DEUP1: variants seen among roughly 807,000 people sequenced by gnomAD.
The protein encoded by DEUP1 is deuterosome assembly protein 1, also known as coiled-coil domain containing 67.
Under a neutral mutation model 87.4 loss-of-function variants are expected in DEUP1, and 82 were observed. The observed-to-expected ratio is 0.94, with a 90% CI of 0.78 to 1.13. The LOEUF (loss-of-function observed/expected upper bound fraction) is 1.13, where lower values mean the gene tolerates loss of function less well. Among genes scored for constraint, DEUP1 ranks in the 50% most tolerant of loss-of-function variants. DEUP1 has a pLI of 0.00. For synonymous variants in DEUP1, 214 were observed against 222.7 expected, an observed-to-expected ratio of 0.96 and a Z score of 0.35; for missense variants, 663 against 681.5, an observed-to-expected ratio of 0.97 and a Z score of 0.30.
At chr11:93,338,707 G>A (rs1324395365) in intron 2 of DEUP1, among the ~76,000 whole-genome samples, 2 of 152,136 alleles carry the variant, frequency 1.3e-5, no homozygotes, top group Non-Finnish European at 2.9e-5. Flanking sequence ...TCCCAGCTCA[G>A]TCAACATTTG....
In DEUP1 at chr11:93,370,295, C is replaced by T. The variant is rs908909881; in HGVS notation, c.546+109C>T. On this transcript the variant is annotated intron_variant, in intron 6 of 13. Coordinates refer to ENST00000298050, the MANE Select transcript of DEUP1 (RefSeq NM_181645.4). ...AACAGACATGCCAACTAAGAAAAAA[C>T]GAGAGTAGGTCCAAAGGTGGGTACA... The T allele has an allele frequency of 8.5e-5, 39 of 458,016 alleles. No homozygotes were observed. In the East Asian group the frequency reaches 1.2e-3, roughly 15 times the overall value. 28.4% of individuals were successfully genotyped at this position (458,016 alleles called of 1,614,324 possible).
At chr11:93,346,087 T>C (rs559481599) in intron 2 of DEUP1, among the ~76,000 whole-genome samples, 4 of 152,344 alleles carry the variant, frequency 2.6e-5, no homozygotes, top group African/African-American at 9.6e-5. Context: ...TAGCCAGTTC[T>C]CCCAGCACCA....
intron 13 of DEUP1, among the ~76,000 whole-genome samples, chr11:93,431,064 C>A (rs1948087553): frequency 6.8e-6 from 1 of 146,154 alleles, no homozygotes; most frequent in Non-Finnish European, 1.5e-5. Flanking sequence ...TCACTGCACT[C>A]CAGCCTGGGC....
intron 8 of DEUP1, among the ~76,000 whole-genome samples, chr11:93,387,038 C>CT (rs1033373121): frequency 2.0e-5 from 3 of 152,092 alleles, no homozygotes; most frequent in African/African-American, 7.2e-5. Context: ...CCAGTAAAAA[C>CT]TTTTTTGTTC....
chr11:93,418,818 G>A (rs1215644510), intron 13 of DEUP1, among the ~76,000 whole-genome samples: 4 of 152,104 alleles, frequency 2.6e-5, no homozygotes, highest in African/African-American at 9.7e-5. Context: ...TTAAGAAAAT[G>A]TGGCACATAT....
intron 4 of DEUP1, among the ~76,000 whole-genome samples, chr11:93,360,019 A>C (rs1386561048): frequency 6.6e-6 from 1 of 150,600 alleles, no homozygotes; most frequent in African/African-American, 2.4e-5. Context: ...CTCCCTGTCT[A>C]CTCTCGGGTG....
intron 2 of DEUP1, among the ~76,000 whole-genome samples, chr11:93,350,955 C>CA (rs1397652474): frequency 1.4e-5 from 2 of 147,294 alleles, no homozygotes; most frequent in Non-Finnish European, 1.5e-5. Flanking sequence ...GACTCCATCT[C>CA]AAAAAAAATT....
intron 5 of DEUP1, 117 bp downstream of exon 5, chr11:93,364,411 C>A: frequency 7.2e-6 from 6 of 834,848 alleles, no homozygotes; most frequent in Middle Eastern, 2.5e-4. Flanking sequence ...AACACTATTA[C>A]AAACTAACTT....
At chr11:93,377,549 T>G (rs1946096607) in intron 7 of DEUP1, among the ~76,000 whole-genome samples, 2 of 152,166 alleles carry the variant, frequency 1.3e-5, no homozygotes, top group Admixed American at 1.3e-4. Context: ...GGTACTTGGT[T>G]GGTGAATTCT....
At chr11:93,423,914 C>G (rs1201980710) in intron 13 of DEUP1, among the ~76,000 whole-genome samples, 3 of 3,412 alleles carry the variant, frequency 8.8e-4, no homozygotes, top group African/African-American at 1.9e-3. Context: ...GACACCCTAA[C>G]ATCACAATTA....
chr11:93,372,174 C>T (rs78912676), intron 7 of DEUP1, among the ~76,000 whole-genome samples: 4 of 151,974 alleles, frequency 2.6e-5, no homozygotes, highest in South Asian at 2.1e-4. Flanking sequence ...GTGATCCGCC[C>T]GCCTCGGCCT....
rs575461197 is a variant in DEUP1 at position 93,393,054 on chromosome 11, C to T, written c.1042-1405C>T. On this transcript the variant is annotated intron_variant, in intron 9 of 13. Coordinates refer to ENST00000298050, the MANE Select transcript of DEUP1 (RefSeq NM_181645.4). ...CTCCTCCTCCTTCTACTTCTTTCTC[C>T]TCCTCCTCCTCCTTCTTCTTCTCTT... is the stretch of plus-strand genomic sequence containing the variant. Among the ~76,000 whole-genome samples, 14 of 145,310 alleles carry T rather than the reference C, an allele frequency of 9.6e-5. 1 individual carries two copies. The South Asian group carries it at 3.0e-3, about 32-fold the overall frequency.
rs1221153565 is a variant in DEUP1 at position 93,384,454 on chromosome 11, G to T, written c.790-944G>T. 2.0e-5 allele frequency among the ~76,000 whole-genome samples: 3 copies of T among 152,064 alleles called. No individual in the cohort carries two copies. In the East Asian group the frequency reaches 5.8e-4, roughly 29 times the overall value. On this transcript the variant is annotated intron_variant, in intron 7 of 13. Transcript: ENST00000298050. ...GGCAATTCTCCCAATGTGCTTTGAG[G>T]GTCATCCTATCCACCTTCTTAGGAA...
At chr11:93,410,616 C>G (rs1037824447) in intron 12 of DEUP1, among the ~76,000 whole-genome samples, 1 of 152,198 alleles carries the variant, frequency 6.6e-6, no homozygotes, top group South Asian at 2.1e-4. Context: ...ATTGAGCACC[C>G]ACTGGGTACA....
chr11:93,385,201 A>AGAGT (rs1200807970), intron 7 of DEUP1, among the ~76,000 whole-genome samples, 197 bp from the exon 8 acceptor site: 1 of 152,330 alleles, frequency 6.6e-6, no homozygotes, highest in East Asian at 1.9e-4. Flanking sequence ...CCTGGGCAAC[A>AGAGT]GAGTGAGACT....
At chr11:93,383,509 T>C in intron 7 of DEUP1, 1 of 606,742 alleles carries the variant, frequency 1.6e-6, no homozygotes, top group East Asian at 2.9e-5. Context: ...AGGTTTCCTT[T>C]GGGGATGATG....
chr11:93,389,765 T>C (rs1202241047), intron 9 of DEUP1, among the ~76,000 whole-genome samples: 1 of 152,254 alleles, frequency 6.6e-6, no homozygotes, highest in African/African-American at 2.4e-5. Flanking sequence ...CCAGTATCCA[T>C]ACTCTTACCC....
intron 2 of DEUP1, among the ~76,000 whole-genome samples, chr11:93,341,782 G>T (rs532501167): frequency 2.0e-5 from 3 of 152,218 alleles, no homozygotes; most frequent in Non-Finnish European, 2.9e-5. Context: ...AAATTTGGTA[G>T]CTTAAAACCA....
chr11:93,380,693 G>T, intron 7 of DEUP1, among the ~76,000 whole-genome samples: 1 of 152,028 alleles, frequency 6.6e-6, no homozygotes, highest in East Asian at 1.9e-4. Context: ...GTGAGCCACC[G>T]CGCCCGGCCA....
Sources: gnomAD v4.1 joint callset for allele counts (sites outside exome capture counted in the v4.1 genomes callset) on GRCh38, gnomAD v4.1.1 for gene constraint, MANE v1.5 for transcripts, NCBI Gene and HGNC (gene_info 2026-07-23, HGNC 2026-07-21) for gene names.